Variants in SLC9B2 observed in about 807,000 individuals in gnomAD.
SLC9B2 encodes the protein sodium/hydrogen exchanger 9B2.
A neutral mutation model predicts 52.2 loss-of-function variants in SLC9B2; 39 were observed. The ratio of observed to expected loss-of-function variants is 0.75; its 90% CI spans 0.58 to 0.98. The LOEUF is 0.98. Ranked by LOEUF, SLC9B2 falls within the 50% of genes least tolerant of loss-of-function variation. The pLI, the probability that SLC9B2 is intolerant of heterozygous loss-of-function variation, is 0.00. For synonymous variants in SLC9B2, 214 were observed against 227.0 expected (o/e 0.94, Z 0.51); for missense variants, 626 against 637.5 (o/e 0.98, Z 0.19).
intron 3 of SLC9B2, among the ~76,000 whole-genome samples, chr4:103,058,447 G>T (rs564029061): frequency 6.6e-6 from 1 of 152,214 alleles, no homozygotes; most frequent in East Asian, 1.9e-4. Context: ...GCCCAGGCTG[G>T]AGTGCAGTAG....
chr4:103,034,677 A>T (rs1743007194), intron 9 of SLC9B2, among the ~76,000 whole-genome samples: 1 of 152,228 alleles, frequency 6.6e-6, no homozygotes, highest in South Asian at 2.1e-4. Context: ...GGACACATAC[A>T]TGTAGCCAAC....
At chr4:103,029,506 T>C (rs530352573) in intron 10 of SLC9B2, among the ~76,000 whole-genome samples, 16 of 152,280 alleles carry the variant, frequency 1.1e-4, no homozygotes, top group African/African-American at 3.6e-4. Context: ...CCAATCAGAA[T>C]AGACACTGGC....
chr4:103,057,720 C>T (rs1745276396), intron 4 of SLC9B2, 81 bp downstream of exon 4: 2 of 1,455,612 alleles, frequency 1.4e-6, no homozygotes, highest in South Asian at 1.3e-5. Flanking sequence ...TATTTTATTC[C>T]TTTATTTCCC....
At chr4:103,067,321 T>G in intron 2 of SLC9B2, 140 bp downstream of exon 2, 1 of 666,176 alleles carries the variant, frequency 1.5e-6, no homozygotes, top group Non-Finnish European at 2.6e-6. Context: ...TAGTTACAGG[T>G]AGGGTCAGCT....
At chr4:103,052,321 C>A (rs935771729) in intron 4 of SLC9B2, among the ~76,000 whole-genome samples, 1 of 152,228 alleles carries the variant, frequency 6.6e-6, no homozygotes, top group Non-Finnish European at 1.5e-5. Flanking sequence ...AGAGGCAGAG[C>A]TCAGGCAGTA....
rs892389159 is a variant in SLC9B2 at position 103,050,315 on chromosome 4, G to A, written c.510C>T (p.His170=). ...TGCTTCTCAAAGAGGAAGACCACTT[G>A]TGCTTGATCTGCACATTATCGTTGA... ...PVINDNVQIK[H]KWSSSLRSIA... is the part of the protein sequence containing the mutation. The change falls in exon 5 of 12, where the codon CAC becomes CAT. Residue 170 remains histidine, a synonymous_variant. Coordinates refer to ENST00000394785, the MANE Select transcript of SLC9B2 (RefSeq NM_178833.7). 7.5e-6 allele frequency: 12 copies of A among 1,609,972 alleles called. No individual in the cohort carries two copies. The highest frequency in any genetic ancestry group is 1.7e-5 in the Admixed American group (1 of 59,386).
At chr4:103,033,768 T>C (rs962760702) in intron 9 of SLC9B2, among the ~76,000 whole-genome samples, 1 of 152,008 alleles carries the variant, frequency 6.6e-6, no homozygotes, top group Non-Finnish European at 1.5e-5. Context: ...GTAAAAAATC[T>C]CTACAATGAG....
downstream of SLC9B2, among the ~76,000 whole-genome samples, chr4:103,021,376 C>G (rs534325167): frequency 1.6e-4 from 25 of 151,992 alleles, no homozygotes; most frequent in South Asian, 5.0e-3. Context: ...GAAGCAATTC[C>G]CACTTGTTAC....
chr4:103,043,579 T>C, intron 8 of SLC9B2, 134 bp from the exon 9 acceptor site: 1 of 663,336 alleles, frequency 1.5e-6, no homozygotes, highest in Non-Finnish European at 2.4e-6. Flanking sequence ...ACAAGTGCAC[T>C]ACATAACATT....
chr4:103,036,997 C>A (rs1175708707), intron 9 of SLC9B2, among the ~76,000 whole-genome samples: 1 of 152,100 alleles, frequency 6.6e-6, no homozygotes, highest in Non-Finnish European at 1.5e-5. Context: ...TCATGTTCTC[C>A]CCATATCTGC....
chr4:103,055,956 AC>A (rs1745102330), intron 4 of SLC9B2, among the ~76,000 whole-genome samples: 1 of 151,720 alleles, frequency 6.6e-6, no homozygotes, highest in Admixed American at 6.6e-5. Context: ...GGTGCCCGCC[AC>A]CACGCCTGAC....
intron 1 of SLC9B2, among the ~76,000 whole-genome samples, chr4:103,071,106 G>A (rs1002100140): frequency 1.3e-5 from 2 of 152,022 alleles, no homozygotes; most frequent in Non-Finnish European, 2.9e-5. Flanking sequence ...GAAGGGAAAT[G>A]GAAGAGGAGT....
intron 1 of SLC9B2, among the ~76,000 whole-genome samples, chr4:103,071,268 A>T (rs547916157): frequency 6.6e-6 from 1 of 151,748 alleles, no homozygotes; most frequent in Non-Finnish European, 1.5e-5. Context: ...CAGTGGCATG[A>T]TCTTGGCTCA....
intron 4 of SLC9B2, 86 bp from the exon 5 acceptor site, chr4:103,050,468 T>A: frequency 8.1e-7 from 1 of 1,231,910 alleles, no homozygotes; most frequent in Non-Finnish European, 1.1e-6. Context: ...GACTACTATA[T>A]AATCCCAGGA....
At chr4:103,060,977 C>G (rs1745589437) in intron 3 of SLC9B2, among the ~76,000 whole-genome samples, 1 of 152,150 alleles carries the variant, frequency 6.6e-6, no homozygotes, top group African/African-American at 2.4e-5. Context: ...TCAAATTTGG[C>G]ATCACACTGG....
rs1005448043 is a variant in SLC9B2, at chr4:103,071,629, A to G, written c.-42-4037T>C. Among the ~76,000 whole-genome samples the G allele has an allele frequency of 2.6e-5, 4 of 151,834 alleles. No individual in the cohort carries two copies. The East Asian group carries it at 5.8e-4, about 22-fold the overall frequency. On this transcript the variant is annotated intron_variant, in intron 1 of 11. Coordinates refer to ENST00000394785, the MANE Select transcript of SLC9B2 (RefSeq NM_178833.7). ...CTTGACCTCATGATCCACCTGCCTCAGCCTCCCAAAGTGCTGGGATTACAG... is the reference window on the plus strand; with the variant it reads ...CTTGACCTCATGATCCACCTGCCTCGGCCTCCCAAAGTGCTGGGATTACAG...
At chr4:103,040,441 C>T (rs1041216595) in intron 9 of SLC9B2, among the ~76,000 whole-genome samples, 2 of 152,136 alleles carry the variant, frequency 1.3e-5, no homozygotes, top group Admixed American at 6.5e-5. Flanking sequence ...TTGCAAAACA[C>T]AGAAAAACAG....
intron 6 of SLC9B2, among the ~76,000 whole-genome samples, chr4:103,048,203 TG>T (rs1393335831): frequency 6.6e-6 from 1 of 152,218 alleles, no homozygotes; most frequent in Admixed American, 6.5e-5. Context: ...GACACCATTT[TG>T]AGCACTTTAC....
chr4:103,054,018 C>T (rs1339797595), intron 4 of SLC9B2, among the ~76,000 whole-genome samples: 5 of 152,100 alleles, frequency 3.3e-5, no homozygotes, highest in Admixed American at 3.3e-4. Context: ...TGGCTCACAC[C>T]TGTAATCCCA....
Sources: gnomAD v4.1 joint callset for allele counts (sites outside exome capture counted in the v4.1 genomes callset) on GRCh38, gnomAD v4.1.1 for gene constraint, MANE v1.5 for transcripts, NCBI Gene and HGNC (gene_info 2026-07-23, HGNC 2026-07-21) for gene names.